ELAVL2: variants seen among roughly 807,000 people sequenced by gnomAD.
ELAVL2 encodes ELAV-like protein 2.
Under a neutral mutation model 34.6 loss-of-function variants are expected in ELAVL2, and 4 were observed. The observed-to-expected ratio is 0.12, with a 90% confidence interval of 0.06 to 0.26. The LOEUF (loss-of-function observed/expected upper bound fraction) is 0.26, where lower values mean the gene tolerates loss of function less well. ELAVL2 is among the 10% of genes least tolerant of loss of function. The pLI is 1.00. For synonymous variants in ELAVL2, 193 were observed against 154.8 expected (o/e 1.25, Z -1.83); for missense variants, 432 against 442.8 (o/e 0.98, Z 0.22).
rs2050375352 is a variant in ELAVL2 at position 23,745,954 on chromosome 9, T to G, written c.230-14829A>C. On this transcript the variant is annotated intron_variant, in intron 2 of 6. Transcript: ENST00000397312. ...ATCTCAGTCATTCTTCAGGTTGTTC[T>G]TGCTCACACTCAGTGAGCAAAGTAG... Among the ~76,000 whole-genome samples the G allele has an allele frequency of 3.3e-5, 5 of 152,200 alleles. No individual in the cohort carries two copies. In the South Asian group the frequency reaches 1.0e-3, roughly 31 times the overall value.
In ELAVL2 at chr9:23,797,123, C is replaced by T. The variant is rs542036303; in HGVS notation, c.-16+28683G>A. 5.3e-5 allele frequency among the ~76,000 whole-genome samples: 8 copies of T among 152,228 alleles called. No individual in the cohort carries two copies. In the South Asian group the frequency reaches 1.7e-3, roughly 32 times the overall value. ...TAGCTACCATCTGCCCAGCTGAGTC[C>T]TGAGCAGCTAACAACAGGATTTGAA... On this transcript the variant is annotated intron_variant, in intron 1 of 6. Transcript: ENST00000397312.
At chr9:23,837,766 A>G in the ELAVL2 span, among the ~76,000 whole-genome samples, 1 of 152,228 alleles carries the variant, frequency 6.6e-6, no homozygotes, top group Non-Finnish European at 1.5e-5. Flanking sequence ...GAAAACAGAT[A>G]TTACGATGAA....
chr9:23,779,791 T>G (rs973571579), intron 1 of ELAVL2, among the ~76,000 whole-genome samples: 2 of 151,626 alleles, frequency 1.3e-5, no homozygotes, highest in African/African-American at 4.8e-5. Context: ...GAAACTATAC[T>G]TTTCACCTCT....
intron 5 of ELAVL2, among the ~76,000 whole-genome samples, chr9:23,695,377 T>TGTAG (rs2034782220): frequency 6.6e-6 from 1 of 152,244 alleles, no homozygotes; most frequent in African/African-American, 2.4e-5. Flanking sequence ...ATTGCATCCA[T>TGTAG]GTAGGGACAG....
At chr9:23,840,132 C>A in the ELAVL2 span, among the ~76,000 whole-genome samples, 125 of 152,178 alleles carry the variant, frequency 8.2e-4, no homozygotes, top group Non-Finnish European at 1.2e-3. Context: ...CTCTAAGCCT[C>A]AACTTTCTCA....
At chr9:23,782,900 G>A (rs1017622849) in intron 1 of ELAVL2, among the ~76,000 whole-genome samples, 28 of 152,176 alleles carry the variant, frequency 1.8e-4, no homozygotes, top group African/African-American at 6.8e-4. Context: ...GTGAAACCAG[G>A]AAGGAAGACA....
the ELAVL2 span, among the ~76,000 whole-genome samples, chr9:23,842,174 GC>G: frequency 6.6e-6 from 1 of 152,118 alleles, no homozygotes; most frequent in Non-Finnish European, 1.5e-5. Context: ...AGAGGAGAGA[GC>G]CCCTTCAGAG....
At chr9:23,718,321 G>C (rs536680599) in intron 3 of ELAVL2, among the ~76,000 whole-genome samples, 2 of 151,902 alleles carry the variant, frequency 1.3e-5, no homozygotes, top group Non-Finnish European at 2.9e-5. Flanking sequence ...TAAACCATAC[G>C]CTATCCAAGA....
At chr9:23,783,460 C>T (rs140033431) in intron 1 of ELAVL2, 1 of 985,382 alleles carries the variant, frequency 1.0e-6, no homozygotes, top group Non-Finnish European at 1.2e-6. Flanking sequence ...ACAAAGTGGC[C>T]ATGCACTAAC....
At chr9:23,774,464 A>G (rs1426438441) in intron 1 of ELAVL2, among the ~76,000 whole-genome samples, 1 of 152,100 alleles carries the variant, frequency 6.6e-6, no homozygotes, top group East Asian at 1.9e-4. Context: ...GTTAAACTAC[A>G]TTTAGCACAG....
At chr9:23,786,487 G>C (rs1490615556) in intron 1 of ELAVL2, among the ~76,000 whole-genome samples, 1 of 151,788 alleles carries the variant, frequency 6.6e-6, no homozygotes, top group Non-Finnish European at 1.5e-5. Flanking sequence ...TGAAACTTGA[G>C]GGCGAGAGTC....
At chr9:23,780,835 T>C (rs181301767) in intron 1 of ELAVL2, among the ~76,000 whole-genome samples, 4 of 152,288 alleles carry the variant, frequency 2.6e-5, no homozygotes, top group Non-Finnish European at 5.9e-5. Flanking sequence ...CACAACACTA[T>C]GTAGCATTCA....
At chr9:23,793,463 G>A (rs991290207) in intron 1 of ELAVL2, among the ~76,000 whole-genome samples, 2 of 152,100 alleles carry the variant, frequency 1.3e-5, no homozygotes, top group South Asian at 2.1e-4. Context: ...TTTGATCTGA[G>A]CTCAATCAGT....
chr9:23,746,718 G>T (rs965459893), intron 2 of ELAVL2, among the ~76,000 whole-genome samples: 5 of 150,424 alleles, frequency 3.3e-5, no homozygotes, highest in African/African-American at 1.2e-4. Flanking sequence ...CTAAGAAAGA[G>T]AATTCCCCAA....
chr9:23,832,390 C>G, the ELAVL2 span: 4 of 151,746 alleles, frequency 2.6e-5, no homozygotes, highest in Non-Finnish European at 5.9e-5. Context: ...TGATTCTTAC[C>G]GCACACTTTA....
intron 2 of ELAVL2, among the ~76,000 whole-genome samples, chr9:23,731,445 ATC>A (rs2046526768): frequency 6.6e-6 from 1 of 152,118 alleles, no homozygotes; most frequent in Non-Finnish European, 1.5e-5. Flanking sequence ...GTGGGGATAA[ATC>A]TCTGTGCTAT....
chr9:23,774,667 C>T (rs1034433214), intron 1 of ELAVL2, among the ~76,000 whole-genome samples: 1 of 124,616 alleles, frequency 8.0e-6, no homozygotes, highest in Admixed American at 9.4e-5. Context: ...CTCCCCAACT[C>T]CCCATAAAAA....
At chr9:23,781,482 A>C (rs2059048248) in intron 1 of ELAVL2, among the ~76,000 whole-genome samples, 1 of 151,884 alleles carries the variant, frequency 6.6e-6, no homozygotes, top group African/African-American at 2.4e-5. Flanking sequence ...ATACAGCAGA[A>C]TAGCATATTT....
chr9:23,735,405 G>A (rs2047641110), intron 2 of ELAVL2: 1 of 152,068 alleles, frequency 6.6e-6, no homozygotes, highest in East Asian at 1.9e-4. Flanking sequence ...GGCCTCCCAA[G>A]TAGCTGGGAT....
Sources: gnomAD v4.1 joint callset for allele counts (sites outside exome capture counted in the v4.1 genomes callset) on GRCh38, gnomAD v4.1.1 for gene constraint, MANE v1.5 for transcripts, NCBI Gene and HGNC (gene_info 2026-07-23, HGNC 2026-07-21) for gene names.